ANGPT1: variants seen among roughly 807,000 people sequenced by gnomAD.
ANGPT1 encodes the protein angiopoietin 1.
A neutral mutation model predicts 62.2 loss-of-function variants in ANGPT1; 17 were observed. The ratio of observed to expected loss-of-function variants is 0.27; its 90% confidence interval spans 0.19 to 0.41. The LOEUF (loss-of-function observed/expected upper bound fraction) is 0.41, where lower values mean the gene tolerates loss of function less well. Among genes scored for constraint, ANGPT1 ranks in the 10% least tolerant of loss-of-function variants. The pLI, the probability that ANGPT1 is intolerant of heterozygous loss-of-function variation, is 1.00. For synonymous variants in ANGPT1, 199 were observed against 198.9 expected, an observed-to-expected ratio of 1.00 and a Z score of 0.00; for missense variants, 478 against 594.9, an observed-to-expected ratio of 0.80 and a Z score of 2.04.
intron 1 of ANGPT1, among the ~76,000 whole-genome samples, chr8:107,488,759 G>T (rs1187933969): frequency 2.0e-5 from 3 of 152,048 alleles, no homozygotes; most frequent in African/African-American, 7.2e-5. Flanking sequence ...TTATATCTGT[G>T]CAATTAAAAT....
At chr8:107,380,722 A>T (rs1329620109) in intron 1 of ANGPT1, among the ~76,000 whole-genome samples, 1 of 152,076 alleles carries the variant, frequency 6.6e-6, no homozygotes, top group Non-Finnish European at 1.5e-5. Context: ...CTGAGGGGAA[A>T]ATCTTTTCTA....
rs7002989 is a variant in ANGPT1 at position 107,333,984 on chromosome 8, G to A, written c.575+2166C>T. ...AAGAAAGAAAGAAAGGAGGGAGGGA[G>A]GGAGGGAGGGAGGGAAGGAAGGAAG... On this transcript the variant is annotated intron_variant, in intron 3 of 8. Transcript: ENST00000517746. 7.8e-3 allele frequency among the ~76,000 whole-genome samples: 472 copies of A among 60,414 alleles called. 3 individuals carry two copies. Among genetic ancestry groups the A allele is most frequent in the African/African-American group, 0.026 (401 of 15,470 alleles). 39.6% of individuals were successfully genotyped at this position (60,414 alleles called of 152,430 possible). A position where few individuals can be genotyped will look rare whatever the true frequency, so the allele number is the denominator to read the frequency against.
At chr8:107,460,825 A>AG (rs1812050913) in intron 1 of ANGPT1, among the ~76,000 whole-genome samples, 2 of 152,210 alleles carry the variant, frequency 1.3e-5, no homozygotes, top group Non-Finnish European at 2.9e-5. Flanking sequence ...ACAAGAAGAT[A>AG]CTGTCTGGAT....
chr8:107,306,766 C>A (rs1814727978), intron 4 of ANGPT1, among the ~76,000 whole-genome samples: 1 of 151,982 alleles, frequency 6.6e-6, no homozygotes, highest in Admixed American at 6.6e-5. Flanking sequence ...CTTGATGGGG[C>A]CAAGAGCAGT....
chr8:107,282,124 TA>T (rs2130123425), intron 7 of ANGPT1, among the ~76,000 whole-genome samples: 1 of 152,030 alleles, frequency 6.6e-6, no homozygotes, highest in African/African-American at 2.4e-5. Flanking sequence ...AAAAAGCGAA[TA>T]ACACCATCTT....
At chr8:107,361,785 G>A (rs60861660) in intron 1 of ANGPT1, among the ~76,000 whole-genome samples, 6,033 of 151,978 alleles carry the variant, frequency 0.04, 330 homozygotes, top group African/African-American at 0.12. Context: ...ACAGGCTGGC[G>A]CAGTGGCTCA....
chr8:107,327,736 A>G (rs1332736478), intron 3 of ANGPT1, among the ~76,000 whole-genome samples: 1 of 152,084 alleles, frequency 6.6e-6, no homozygotes, highest in Non-Finnish European at 1.5e-5. Flanking sequence ...GTCTTTCTGG[A>G]AACACTTTGA....
At chr8:107,396,279 G>C (rs1816931511) in intron 1 of ANGPT1, among the ~76,000 whole-genome samples, 1 of 152,050 alleles carries the variant, frequency 6.6e-6, no homozygotes, top group Admixed American at 6.6e-5. Flanking sequence ...TATCCAATTA[G>C]CCAAATTACT....
At chr8:107,453,235 C>A (rs1811824154) in intron 1 of ANGPT1, among the ~76,000 whole-genome samples, 1 of 152,026 alleles carries the variant, frequency 6.6e-6, no homozygotes, top group South Asian at 2.1e-4. Flanking sequence ...AGAATTCTGA[C>A]TAAAAACAAT....
intron 2 of ANGPT1, among the ~76,000 whole-genome samples, chr8:107,345,418 AT>A (rs891867245): frequency 7.9e-5 from 12 of 151,468 alleles, no homozygotes; most frequent in Admixed American, 3.3e-4. Context: ...ACAATGGGAC[AT>A]TTTTTTTTCC....
At chr8:107,299,198 A>G in intron 5 of ANGPT1, among the ~76,000 whole-genome samples, 1 of 151,424 alleles carries the variant, frequency 6.6e-6, no homozygotes, top group East Asian at 1.9e-4. Flanking sequence ...TACAATTTCA[A>G]TTATCGTTAA....
intron 3 of ANGPT1, among the ~76,000 whole-genome samples, chr8:107,333,250 A>G (rs1292494275): frequency 2.6e-5 from 4 of 152,144 alleles, no homozygotes; most frequent in African/African-American, 9.7e-5. Flanking sequence ...TTAGGCCCTT[A>G]GACAAGAAGA....
chr8:107,284,529 C>CT, intron 7 of ANGPT1, 153 bp downstream of exon 7: 2 of 611,588 alleles, frequency 3.3e-6, no homozygotes, highest in South Asian at 7.9e-5. Flanking sequence ...TCTTTACAGG[C>CT]TTTTTTGTAC....
At chr8:107,450,503 GT>G (rs1811741940) in intron 1 of ANGPT1, among the ~76,000 whole-genome samples, 1 of 151,908 alleles carries the variant, frequency 6.6e-6, no homozygotes, top group Non-Finnish European at 1.5e-5. Context: ...ACATTGTGCT[GT>G]TTTGTGAGAT....
At chr8:107,494,642 C>T (rs1419372048) in intron 1 of ANGPT1, 1 of 152,158 alleles carries the variant, frequency 6.6e-6, no homozygotes, top group African/African-American at 2.4e-5. Context: ...AGTGCCATAA[C>T]AGTTCCAGTA....
chr8:107,264,891 G>A (rs1416525887), intron 7 of ANGPT1, among the ~76,000 whole-genome samples: 1 of 152,110 alleles, frequency 6.6e-6, no homozygotes, highest in Non-Finnish European at 1.5e-5. Flanking sequence ...TATGTAAGCT[G>A]GAATTTAGCT....
intron 7 of ANGPT1, among the ~76,000 whole-genome samples, chr8:107,273,994 T>C (rs1397906970): frequency 6.6e-6 from 1 of 151,684 alleles, no homozygotes. Context: ...CAAACAGACA[T>C]GCTAAATCAC....
At chr8:107,298,765 C>A (rs1426363155) in intron 5 of ANGPT1, among the ~76,000 whole-genome samples, 1 of 151,686 alleles carries the variant, frequency 6.6e-6, no homozygotes, top group Non-Finnish European at 1.5e-5. Context: ...CCTTTAATAA[C>A]CCTAGTTTAT....
At chr8:107,428,389 A>G (rs1554593215) in intron 1 of ANGPT1, among the ~76,000 whole-genome samples, 1 of 152,148 alleles carries the variant, frequency 6.6e-6, no homozygotes, top group Non-Finnish European at 1.5e-5. Flanking sequence ...CCCCCATGAG[A>G]CTTTTTAATG....
Sources: allele counts gnomAD v4.1 joint callset (sites outside exome capture counted in the v4.1 genomes callset), GRCh38; gene constraint gnomAD v4.1.1; transcripts MANE v1.5; gene names NCBI Gene and HGNC (gene_info 2026-07-23, HGNC 2026-07-21).